The following NDRG2 variants were observed in gnomAD, a reference collection of about 807,000 sequenced individuals.
NDRG2 encodes protein NDRG2.
NDRG2 carries 34 observed loss-of-function variants against 58.2 expected under a neutral mutation model. The observed-to-expected ratio is 0.58, with a 90% CI of 0.44 to 0.78. The LOEUF (loss-of-function observed/expected upper bound fraction) is 0.78, where lower values mean the gene tolerates loss of function less well. Among genes scored for constraint, NDRG2 ranks in the 30% least tolerant of loss-of-function variants. NDRG2 has a pLI of 0.00. For missense variants in NDRG2, 434 were observed against 471.2 expected, an observed-to-expected ratio of 0.92 and a Z score of 0.73; for synonymous variants, 187 against 175.9, an observed-to-expected ratio of 1.06 and a Z score of -0.50.
At chr14:21,030,852 C>A in intron 1 of NDRG2, 1 of 1,515,036 alleles carries the variant, frequency 6.6e-7, no homozygotes, top group Middle Eastern at 2.3e-4. Context: ...GTGGGCCTAC[C>A]AAGCACCACA....
intron 1 of NDRG2, among the ~76,000 whole-genome samples, chr14:21,049,797 C>T (rs2139133180): frequency 6.7e-6 from 1 of 148,338 alleles, no homozygotes; most frequent in South Asian, 2.1e-4. Context: ...TAGAGTCTTG[C>T]TCTGTCACCC....
chr14:21,024,229 T>C lies in NDRG2; in HGVS notation c.-206A>G, dbSNP rs919182608. 3.0e-6 allele frequency: 3 copies of C among 985,362 alleles called. No homozygotes were observed. The highest frequency in any genetic ancestry group is 2.4e-6 in the Non-Finnish European group (2 of 830,010). 61.0% of individuals were successfully genotyped at this position (985,362 alleles called of 1,614,324 possible). ...CGGGTCACTAACCCTCCCCAGTGTC[T>C]GTCTACCCCTAAGTCCAGAGAACAC... is the stretch of plus-strand genomic sequence containing the variant. On this transcript the variant is annotated 5_prime_UTR_variant, in exon 1 of 16. Coordinates refer to ENST00000556147, the MANE Select transcript of NDRG2 (RefSeq NM_001320329.2).
intron 1 of NDRG2, among the ~76,000 whole-genome samples, chr14:21,063,877 A>G (rs982391476): frequency 7.9e-5 from 12 of 152,300 alleles, no homozygotes; most frequent in African/African-American, 2.4e-4. Flanking sequence ...GAATTTACCT[A>G]TGGAGATAGC....
upstream of NDRG2, chr14:21,025,731 T>C (rs903664465): frequency 8.1e-6 from 8 of 983,508 alleles, no homozygotes; most frequent in Non-Finnish European, 3.6e-6. This position sits in a 1 kb window ranked among gnomAD's most constrained non-coding sequence, Gnocchi z 5.1. Context: ...CCGGGAGAAG[T>C]TGGACAACAA....
chr14:21,027,519 C>T (rs1189481787), upstream of NDRG2, among the ~76,000 whole-genome samples: 1 of 152,184 alleles, frequency 6.6e-6, no homozygotes, highest in African/African-American at 2.4e-5. Context: ...AGTAGTTTCC[C>T]ACCCTTCTCA....
intron 1 of NDRG2, chr14:21,036,336 A>G (rs978343712): frequency 2.3e-6 from 1 of 443,144 alleles, no homozygotes; most frequent in South Asian, 1.6e-5. Flanking sequence ...CTCATAGGGT[A>G]GGGGTGCCCA....
chr14:21,067,301 C>T (rs1886319226), intron 1 of NDRG2, among the ~76,000 whole-genome samples: 1 of 151,738 alleles, frequency 6.6e-6, no homozygotes, highest in Non-Finnish European at 1.5e-5. Flanking sequence ...TTCTCTGACC[C>T]ACGGGGACAT....
At chr14:21,025,264 C>T (rs1883305783), upstream of NDRG2, 32 of 889,446 alleles carry the variant, frequency 3.6e-5, no homozygotes, top group Non-Finnish European at 4.3e-5. The surrounding 1 kb of genome is among the most constrained non-coding windows in gnomAD (Gnocchi z 5.1). Context: ...CTGGACGCTT[C>T]CAGGCTCTGC....
intron 1 of NDRG2, chr14:21,036,332 G>A: frequency 2.2e-6 from 1 of 447,270 alleles, no homozygotes; most frequent in East Asian, 7.0e-5. Flanking sequence ...GTTTCTCATA[G>A]GGTAGGGGTG....
intron 1 of NDRG2, among the ~76,000 whole-genome samples, chr14:21,065,047 TGTAATCCCAGCTACTTG>T (rs1490560523): frequency 6.6e-6 from 1 of 151,982 alleles, no homozygotes; most frequent in African/African-American, 2.4e-5. Flanking sequence ...GGCGGGTGCC[TGTAATCCCAGCTACTTG>T]GGAGGCTGAG....
At position 21,022,947 on chromosome 14, in the gene NDRG2, T is replaced by C. The variant is rs757248850; in HGVS notation, c.76-42A>G. The stretch of plus-strand genomic sequence containing the variant: ...GGATTCACACAGAAACACATGACCA[T>C]GTGGCGTCCCAGATGGAGAGACAAA... On this transcript the variant is annotated intron_variant, in intron 2 of 15. Transcript: ENST00000556147. 32 of 1,611,954 alleles carry C rather than the reference T, an allele frequency of 2.0e-5. No individual in the cohort carries two copies. In the African/African-American group the frequency reaches 3.9e-4, roughly 20 times the overall value.
Position 21,031,956 on chromosome 14 carries a change from A to G in NDRG2, c.25-8635T>C, listed in dbSNP as rs144073409. Reference sequence around the variant, plus strand: ...ACCAGCAAGTACACCGGCACCCACAAGGAGCGCTTTGATGAGAGTGGCAAG... The same window carrying G: ...ACCAGCAAGTACACCGGCACCCACAGGGAGCGCTTTGATGAGAGTGGCAAG... On this transcript the variant is annotated intron_variant, in intron 1 of 14. Transcript: ENST00000403829. The G allele has an allele frequency of 1.3e-4, 215 of 1,614,082 alleles. No individual in the cohort carries two copies. Among genetic ancestry groups the G allele is most frequent in the Non-Finnish European group, 1.7e-4 (202 of 1,180,034 alleles).
chr14:21,017,212 C>T lies in NDRG2; in HGVS notation c.*384G>A. 5.5e-6 allele frequency: 2 copies of T among 366,750 alleles called. No homozygotes were observed. The highest frequency in any genetic ancestry group is 1.1e-5 in the Non-Finnish European group (2 of 186,754). 22.7% of individuals were successfully genotyped at this position (366,750 alleles called of 1,614,324 possible). ...GGTGAATGGAGCCCCAGCCCCAAAT[C>T]CCCTCCCCTTGCAAATATGGGACAA... On this transcript the variant is annotated 3_prime_UTR_variant, in exon 16 of 16. Transcript: ENST00000556147.
intron 1 of NDRG2, chr14:21,058,485 A>C: frequency 3.0e-6 from 2 of 673,402 alleles, no homozygotes; most frequent in Non-Finnish European, 5.0e-6. Flanking sequence ...TCAACCTCAC[A>C]TACTCTTGGT....
At chr14:21,061,967 T>C (rs1885986810) in intron 1 of NDRG2, among the ~76,000 whole-genome samples, 2 of 152,240 alleles carry the variant, frequency 1.3e-5, no homozygotes, top group African/African-American at 4.8e-5. Flanking sequence ...GGAATATATA[T>C]TGAATTTATA....
intron 11 of NDRG2, 91 bp from the exon 12 acceptor site, chr14:21,018,905 T>C: frequency 3.9e-6 from 6 of 1,528,160 alleles, no homozygotes; most frequent in Non-Finnish European, 5.4e-6. Flanking sequence ...AATATCTGGC[T>C]CCAAAGAGGA....
intron 1 of NDRG2, among the ~76,000 whole-genome samples, chr14:21,051,352 A>G (rs1885458604): frequency 1.3e-5 from 2 of 152,214 alleles, no homozygotes; most frequent in Admixed American, 1.3e-4. Flanking sequence ...GTAAATGTTA[A>G]CTATGATTGT....
At chr14:21,023,810 G>C (rs918757285) in intron 1 of NDRG2, 3 of 263,362 alleles carry the variant, frequency 1.1e-5, no homozygotes, top group Non-Finnish European at 1.8e-5. Flanking sequence ...AGCTCAAAGG[G>C]GGCTAAAAAT....
At chr14:21,053,938 C>A (rs1350790785) in intron 1 of NDRG2, among the ~76,000 whole-genome samples, 1 of 152,202 alleles carries the variant, frequency 6.6e-6, no homozygotes, top group Non-Finnish European at 1.5e-5. Context: ...CAAGGTCATG[C>A]AGCTAATTAG....
Sources: gnomAD v4.1 joint callset for allele counts (sites outside exome capture counted in the v4.1 genomes callset) on GRCh38, gnomAD v4.1.1 for gene constraint, Gnocchi (gnomAD v3.1) non-coding constraint, MANE v1.5 for transcripts, NCBI Gene and HGNC (gene_info 2026-07-23, HGNC 2026-07-21) for gene names.